The following CDH12 variants were observed in gnomAD, a reference collection of about 807,000 sequenced individuals.
The protein encoded by CDH12 is cadherin-12.
A neutral mutation model predicts 74.1 loss-of-function variants in CDH12; 41 were observed. That is an observed-to-expected ratio of 0.55 (90% CI 0.43 to 0.72). The LOEUF (loss-of-function observed/expected upper bound fraction) is 0.72. Among genes scored for constraint, CDH12 ranks in the 30% least tolerant of loss-of-function variants. CDH12 has a pLI of 0.00. For missense variants in CDH12, 945 were observed against 977.2 expected, an observed-to-expected ratio of 0.97 and a Z score of 0.44; for synonymous variants, 399 against 355.0, an observed-to-expected ratio of 1.12 and a Z score of -1.39.
Position 21,820,303 on chromosome 5 carries a change from A to C in CDH12, c.815-3171T>G, listed in dbSNP as rs111236736. 7.1e-3 allele frequency among the ~76,000 whole-genome samples: 1,075 copies of C among 152,152 alleles called. 7 individuals are homozygous for C. The highest frequency in any genetic ancestry group is 0.011 in the Admixed American group (172 of 15,248). ...TAAGTTAAATAGGGTGTTTTGTTTT[A>C]AGTTGTCAGCATAGAGAGTGCCAAC... On this transcript the variant is annotated intron_variant, in intron 8 of 14. Coordinates refer to ENST00000382254, the MANE Select transcript of CDH12 (RefSeq NM_004061.5).
intron 1 of CDH12, among the ~76,000 whole-genome samples, chr5:22,565,760 T>C (rs190756420): frequency 1.5e-3 from 233 of 152,196 alleles, no homozygotes; most frequent in African/African-American, 5.5e-3. Flanking sequence ...AAAAGGAGGG[T>C]ATTTCACAGA....
At chr5:22,044,132 A>G (rs1739766057) in intron 5 of CDH12, among the ~76,000 whole-genome samples, 1 of 152,202 alleles carries the variant, frequency 6.6e-6, no homozygotes, top group Non-Finnish European at 1.5e-5. Context: ...AGCTAAAGCA[A>G]TCTTGAGCAA....
intron 3 of CDH12, among the ~76,000 whole-genome samples, chr5:22,371,956 C>G (rs1375361205): frequency 1.3e-5 from 2 of 152,020 alleles, no homozygotes; most frequent in Non-Finnish European, 2.9e-5. Flanking sequence ...TAAGTTAGGC[C>G]AAAACATGAT....
At chr5:22,279,566 C>T (rs888976449) in intron 3 of CDH12, among the ~76,000 whole-genome samples, 1 of 152,070 alleles carries the variant, frequency 6.6e-6, no homozygotes, top group Non-Finnish European at 1.5e-5. Flanking sequence ...GTGATGTTCC[C>T]TTTCCTGTGT....
At chr5:22,021,642 A>C (rs1441065475) in intron 5 of CDH12, among the ~76,000 whole-genome samples, 1 of 152,258 alleles carries the variant, frequency 6.6e-6, no homozygotes, top group Non-Finnish European at 1.5e-5. Context: ...AAAATATGTG[A>C]GATATTAAAT....
At chr5:21,832,890 A>AT (rs1749131364) in intron 8 of CDH12, among the ~76,000 whole-genome samples, 1 of 82,846 alleles carries the variant, frequency 1.2e-5, no homozygotes, top group Non-Finnish European at 1.9e-5. Context: ...TAATATTAAT[A>AT]TATATCATAT....
chr5:22,749,359 T>G (rs563191850), intron 1 of CDH12, among the ~76,000 whole-genome samples: 1 of 152,346 alleles, frequency 6.6e-6, no homozygotes, highest in South Asian at 2.1e-4. Context: ...TAGAATGCTT[T>G]ACTAAGGTGG....
At chr5:21,914,987 A>G (rs186803939) in intron 6 of CDH12, among the ~76,000 whole-genome samples, 184 of 152,312 alleles carry the variant, frequency 1.2e-3, no homozygotes, top group African/African-American at 4.2e-3. Flanking sequence ...ATGAGGCAAG[A>G]CAGATTGTGC....
intron 6 of CDH12, among the ~76,000 whole-genome samples, chr5:21,915,824 G>GTGC (rs1379918938): frequency 8.7e-6 from 1 of 115,030 alleles, no homozygotes; most frequent in Admixed American, 8.3e-5. Context: ...CATTTGTGCT[G>GTGC]TGTGTGTGTG....
intron 2 of CDH12, among the ~76,000 whole-genome samples, chr5:22,488,872 A>G (rs1250335880): frequency 6.6e-6 from 1 of 151,788 alleles, no homozygotes; most frequent in African/African-American, 2.4e-5. Context: ...ATGTTGTCCC[A>G]TGTGGCATGG....
intron 4 of CDH12, among the ~76,000 whole-genome samples, chr5:22,129,434 C>T (rs1309135720): frequency 5.3e-5 from 8 of 152,032 alleles, no homozygotes; most frequent in African/African-American, 1.7e-4. Context: ...GTCATAATTC[C>T]AGGAAATGAG....
chr5:22,160,943 T>C (rs1338957016), intron 4 of CDH12, among the ~76,000 whole-genome samples: 3 of 152,198 alleles, frequency 2.0e-5, no homozygotes, highest in Admixed American at 2.0e-4. Flanking sequence ...TGATTCATGC[T>C]AGAGGGTCCT....
intron 3 of CDH12, among the ~76,000 whole-genome samples, chr5:22,383,436 G>A (rs1741853736): frequency 6.6e-6 from 1 of 152,142 alleles, no homozygotes; most frequent in Non-Finnish European, 1.5e-5. Context: ...AATAAACATG[G>A]GGAAGGTCCT....
chr5:22,737,487 G>A (rs1744792467), intron 1 of CDH12, among the ~76,000 whole-genome samples: 1 of 151,652 alleles, frequency 6.6e-6, no homozygotes, highest in Non-Finnish European at 1.5e-5. Context: ...ATCACCAAAC[G>A]AGCACGTATT....
intron 3 of CDH12, among the ~76,000 whole-genome samples, chr5:22,338,643 G>C (rs1010092067): frequency 6.6e-6 from 1 of 152,032 alleles, no homozygotes; most frequent in African/African-American, 2.4e-5. Context: ...GGATTATTAC[G>C]CATTGCCTCC....
intron 6 of CDH12, chr5:21,883,319 T>A: frequency 6.6e-7 from 1 of 1,510,866 alleles, no homozygotes; most frequent in Non-Finnish European, 9.2e-7. Flanking sequence ...AGGATGCCTA[T>A]GTTCTGTTGA....
intron 5 of CDH12, among the ~76,000 whole-genome samples, chr5:22,045,358 A>G (rs554761458): frequency 2.8e-4 from 43 of 152,278 alleles, no homozygotes; most frequent in South Asian, 1.0e-3. Flanking sequence ...TAGCACAACC[A>G]TTAGGGAAAA....
intron 3 of CDH12, among the ~76,000 whole-genome samples, chr5:22,283,230 ATAT>A (rs1561281601): frequency 1.4e-4 from 7 of 51,078 alleles, no homozygotes; most frequent in African/African-American, 3.5e-4. Context: ...ATATATATAT[ATAT>A]ATATATATAT....
chr5:22,460,041 G>A (rs1261247), intron 2 of CDH12, among the ~76,000 whole-genome samples: 73,822 of 151,912 alleles, frequency 0.49, 18,318 homozygotes, highest in Admixed American at 0.65. Flanking sequence ...AAATTAATAA[G>A]TGAATGGCTG....
Sources: allele counts gnomAD v4.1 joint callset (sites outside exome capture counted in the v4.1 genomes callset), GRCh38; gene constraint gnomAD v4.1.1; transcripts MANE v1.5; gene names NCBI Gene and HGNC (gene_info 2026-07-23, HGNC 2026-07-21).